Variants in NKAPD1 observed in about 807,000 individuals in gnomAD.
The protein encoded by NKAPD1 is NKAP domain containing 1.
A neutral mutation model predicts 30.9 loss-of-function variants in NKAPD1; 12 were observed. The observed-to-expected ratio is 0.39, with a 90% CI of 0.25 to 0.63. The LOEUF (loss-of-function observed/expected upper bound fraction) is 0.63. Among genes scored for constraint, NKAPD1 ranks in the 20% least tolerant of loss-of-function variants. NKAPD1 has a pLI of 0.51. For synonymous variants in NKAPD1, 91 were observed against 113.6 expected (o/e 0.80, Z 1.26); for missense variants, 311 against 344.5 (o/e 0.90, Z 0.77).
rs1470250548 is a variant in NKAPD1 at position 112,084,662 on chromosome 11, A to G, written c.*1690A>G. On this transcript the variant is annotated 3_prime_UTR_variant, in exon 6 of 6. Transcript: ENST00000393047. Reference sequence around the variant, plus strand: ...TGTTTCTGTGCCCTGAAAGTACCTGAAAGGTTTTAAGCACAGACTCAGGAA... The same window carrying G: ...TGTTTCTGTGCCCTGAAAGTACCTGGAAGGTTTTAAGCACAGACTCAGGAA... 1 of 152,594 alleles carries G rather than the reference A, an allele frequency of 6.6e-6. No individual in the cohort carries two copies. The highest frequency in any genetic ancestry group is 2.4e-5 in the African/African-American group (1 of 41,434). The allele number at this position is 152,594 out of a possible 1,614,324, so 9.5% of individuals were successfully genotyped here.
chr11:112,080,863 G>A (rs189976957), intron 4 of NKAPD1: 132 of 339,288 alleles, frequency 3.9e-4, no homozygotes, highest in Admixed American at 3.1e-3. Flanking sequence ...ACGAAAGACC[G>A]CATATTGTAT....
At chr11:112,081,931 C>A in intron 4 of NKAPD1, 51 bp from the exon 5 acceptor site, 2 of 1,512,788 alleles carry the variant, frequency 1.3e-6, no homozygotes, top group African/African-American at 1.4e-5. Context: ...GCTTTAATTT[C>A]CAAAAATGTA....
rs1308894931 is a variant in NKAPD1 at position 112,078,129 on chromosome 11, CCA to C, written c.70-84_70-83del. The C allele has an allele frequency of 7.1e-6, 7 of 989,288 alleles. No individual in the cohort carries two copies. The African/African-American group carries it at 1.2e-4, about 16-fold the overall frequency. 61.3% of individuals were successfully genotyped at this position (989,288 alleles called of 1,614,324 possible). ...AAAGTGCTGGGATTACAGGTGTGAGCCACTGTGCCCGGCCAGTTAGTTACTTT... is the reference window on the plus strand; with the variant it reads ...AAAGTGCTGGGATTACAGGTGTGAGCCTGTGCCCGGCCAGTTAGTTACTTT... On this transcript the variant is annotated intron_variant, in intron 2 of 5. Coordinates refer to ENST00000393047, the MANE Select transcript of NKAPD1 (RefSeq NM_018195.4).
rs1308326274 is a variant in NKAPD1 at position 112,083,100 on chromosome 11, TGACA to T, written c.*132_*135del. On this transcript the variant is annotated 3_prime_UTR_variant, in exon 6 of 6. Coordinates refer to ENST00000393047, the MANE Select transcript of NKAPD1 (RefSeq NM_018195.4). ...GCTGTCTTGTGCCATCTGTATGTTC[TGACA>T]GACGTCTTGTCTTCTATTTTGGCGT... The T allele has an allele frequency of 1.1e-6, 1 of 920,228 alleles. No individual in the cohort carries two copies. The highest frequency in any genetic ancestry group is 2.7e-5 in the East Asian group (1 of 37,494). The allele number at this position is 920,228 out of a possible 1,614,324, so 57.0% of individuals were successfully genotyped here.
Position 112,074,405 on chromosome 11 carries a change from GA to G in NKAPD1, c.-518del. On this transcript the variant is annotated 5_prime_UTR_variant, in exon 1 of 6. An upstream open reading frame in the 5' UTR loses its in-frame stop. Transcript: ENST00000393047. ...TTTGTGTGGGGAGGGCGTTTGGAGGGAAGGTTACCGGGAGCTCCGAGGCCGC... is the reference window on the plus strand; with the variant it reads ...TTTGTGTGGGGAGGGCGTTTGGAGGGAGGTTACCGGGAGCTCCGAGGCCGC... 2.5e-6 allele frequency: 1 copy of G among 399,246 alleles called. No individual in the cohort carries two copies. Among genetic ancestry groups the G allele is most frequent in the Non-Finnish European group, 4.4e-6 (1 of 226,194 alleles). 24.7% of individuals were successfully genotyped at this position (399,246 alleles called of 1,614,324 possible). A position where few individuals can be genotyped will look rare whatever the true frequency, so the allele number is the denominator to read the frequency against.
intron 2 of NKAPD1, among the ~76,000 whole-genome samples, chr11:112,076,464 G>A (rs1219977236): frequency 2.6e-5 from 4 of 152,036 alleles, no homozygotes; most frequent in African/African-American, 7.2e-5. Context: ...AACAATGCAG[G>A]GGCTAGGGGC....
chr11:112,078,350 C>A, intron 3 of NKAPD1, 35 bp downstream of exon 3: 1 of 1,476,364 alleles, frequency 6.8e-7, no homozygotes, highest in Non-Finnish European at 9.4e-7. Context: ...AAATAATTCT[C>A]ATCTTTTTCA....
chr11:112,083,419 A>G lies in NKAPD1; in HGVS notation c.*447A>G, dbSNP rs968336480. 1 of 153,774 alleles carries G rather than the reference A, an allele frequency of 6.5e-6. No homozygotes were observed. Among genetic ancestry groups the G allele is most frequent in the African/African-American group, 2.4e-5 (1 of 41,474 alleles). The allele number at this position is 153,774 out of a possible 1,614,324, so 9.5% of individuals were successfully genotyped here. The stretch of plus-strand genomic sequence containing the variant: ...CTCTGTTTATATAGCAGGTGTCACA[A>G]CTAACTTGTCTTTAGCCTTGGTGCT... On this transcript the variant is annotated 3_prime_UTR_variant, in exon 6 of 6. Coordinates refer to ENST00000393047, the MANE Select transcript of NKAPD1 (RefSeq NM_018195.4).
rs139628417 is a variant in NKAPD1, at chr11:112,084,065, A to C, written c.*1093A>C. On this transcript the variant is annotated 3_prime_UTR_variant, in exon 6 of 6. Coordinates refer to ENST00000393047, the MANE Select transcript of NKAPD1 (RefSeq NM_018195.4). ...AAGTGCATTTTTTCACTGTGGGAAG[A>C]AAGATCAAGTGACGTATTATTTTTT... 1.6e-4 allele frequency: 24 copies of C among 152,770 alleles called. No homozygotes were observed. The highest frequency in any genetic ancestry group is 3.1e-4 in the Non-Finnish European group (21 of 68,036). 9.5% of individuals were successfully genotyped at this position (152,770 alleles called of 1,614,324 possible).
At chr11:112,076,366 A>C (rs1865331354) in intron 2 of NKAPD1, among the ~76,000 whole-genome samples, 1 of 152,144 alleles carries the variant, frequency 6.6e-6, no homozygotes, top group African/African-American at 2.4e-5. Context: ...AGGGATGAAG[A>C]AGAGGAATTT....
chr11:112,082,415 T>TA (rs1865473000), intron 5 of NKAPD1, 50 bp from the exon 6 acceptor site: 3 of 1,390,560 alleles, frequency 2.2e-6, no homozygotes, highest in Admixed American at 2.9e-5. Context: ...ATTAAAATAA[T>TA]ACGCTTTTTT....
chr11:112,078,911 C>A (rs1487336285), intron 3 of NKAPD1, among the ~76,000 whole-genome samples: 2 of 152,152 alleles, frequency 1.3e-5, no homozygotes, highest in African/African-American at 4.8e-5. Context: ...TTTCACATTA[C>A]CTTAATAGCT....
At position 112,074,491 on chromosome 11, in the gene NKAPD1, A is replaced by T; in HGVS notation, c.-434A>T. 1 of 398,206 alleles carries T rather than the reference A, an allele frequency of 2.5e-6. No individual in the cohort carries two copies. The highest frequency in any genetic ancestry group is 4.4e-6 in the Non-Finnish European group (1 of 225,846). The allele number at this position is 398,206 out of a possible 1,614,324, so 24.7% of individuals were successfully genotyped here. ...TATTTCCTCTGTCTTCCACTTGGAA[A>T]CCTCAACCCCCGCTTCAGGCTCCCT... is the stretch of plus-strand genomic sequence containing the variant. On this transcript the variant is annotated 5_prime_UTR_variant, in exon 1 of 6. Transcript: ENST00000393047.
chr11:112,080,286 T>A, intron 3 of NKAPD1, 123 bp from the exon 4 acceptor site: 3 of 880,096 alleles, frequency 3.4e-6, no homozygotes, highest in South Asian at 1.7e-5. Context: ...TTTTTTTTTT[T>A]TAAACAGTAT....
intron 5 of NKAPD1, 145 bp from the exon 6 acceptor site, chr11:112,082,320 G>C: frequency 1.3e-6 from 1 of 778,426 alleles, no homozygotes; most frequent in Non-Finnish European, 1.9e-6. Flanking sequence ...AACTCAATGA[G>C]AATATTAAAG....
chr11:112,082,318 G>A, intron 5 of NKAPD1, 147 bp from the exon 6 acceptor site: 1 of 776,490 alleles, frequency 1.3e-6, no homozygotes, highest in Non-Finnish European at 2.0e-6. Flanking sequence ...AAAACTCAAT[G>A]AGAATATTAA....
Position 112,082,876 on chromosome 11 carries a change from T to C in NKAPD1, c.786T>C (p.Ser262=), listed in dbSNP as rs140827733. 2.5e-4 allele frequency: 401 copies of C among 1,613,460 alleles called. No homozygotes were observed. The African/African-American group carries it at 3.9e-3, about 16-fold the overall frequency. Residue 262 remains serine (S), a synonymous_variant, in exon 6 of 6, where the codon TCT becomes TCC. Transcript: ENST00000393047. ...RKKREKKAHT[S]VANNEIQERT... ...AGAGAGAGAAAAAAGCCCATACCTC[T>C]GTAGCCAACAATGAAATACAGGAGA...
chr11:112,076,160 T>C (rs1372797502), intron 2 of NKAPD1, among the ~76,000 whole-genome samples: 1 of 152,206 alleles, frequency 6.6e-6, no homozygotes, highest in Non-Finnish European at 1.5e-5. Flanking sequence ...TGAGACTTCT[T>C]CCTCTAGGCA....
rs1395303657 is a variant in NKAPD1 at position 112,085,081 on chromosome 11, CTT to C, written c.*2110_*2111del. ...TAAAAGAAGAGTTGGAGAATTCACA[CTT>C]ATTGAGTAACTGATGTCATACAACC... On this transcript the variant is annotated 3_prime_UTR_variant, in exon 6 of 6. Coordinates refer to ENST00000393047, the MANE Select transcript of NKAPD1 (RefSeq NM_018195.4). 2.3e-6 allele frequency: 1 copy of C among 426,064 alleles called. No homozygotes were observed. The highest frequency in any genetic ancestry group is 2.0e-5 in the African/African-American group (1 of 50,692). The allele number at this position is 426,064 out of a possible 1,614,324, so 26.4% of individuals were successfully genotyped here. A position where few individuals can be genotyped will look rare whatever the true frequency, so the allele number is the denominator to read the frequency against.
Sources: gnomAD v4.1 joint callset for allele counts (sites outside exome capture counted in the v4.1 genomes callset) on GRCh38, gnomAD v4.1.1 for gene constraint, MANE v1.5 for transcripts, NCBI Gene and HGNC (gene_info 2026-07-23, HGNC 2026-07-21) for gene names.